ATRNL1: variants seen among roughly 807,000 people sequenced by gnomAD.
The protein encoded by ATRNL1 is attractin like 1, also known as attractin-like protein 1.
In ATRNL1, 95 loss-of-function variants were observed where a neutral mutation model predicts 182.7. That is an observed-to-expected ratio of 0.52 (90% CI 0.44 to 0.62). The LOEUF is 0.62. Ranked by LOEUF, ATRNL1 falls within the 20% of genes least tolerant of loss-of-function variation. The pLI is 0.00. For synonymous variants in ATRNL1, 576 were observed against 568.3 expected, an observed-to-expected ratio of 1.01 and a Z score of -0.19; for missense variants, 1,471 against 1,679.5, an observed-to-expected ratio of 0.88 and a Z score of 2.17.
intron 5 of ATRNL1, among the ~76,000 whole-genome samples, chr10:115,138,855 A>T (rs1845636329): frequency 6.6e-6 from 1 of 152,178 alleles, no homozygotes; most frequent in Admixed American, 6.5e-5. Context: ...TTTCTTTTCT[A>T]TGGCATTGTC....
At chr10:115,673,597 T>C (rs1945768331) in intron 26 of ATRNL1, among the ~76,000 whole-genome samples, 1 of 152,122 alleles carries the variant, frequency 6.6e-6, no homozygotes, top group African/African-American at 2.4e-5. Context: ...TCAAGAACTA[T>C]ATGCAACCAA....
chr10:115,467,734 A>G (rs1554971144), intron 23 of ATRNL1, among the ~76,000 whole-genome samples: 1 of 150,730 alleles, frequency 6.6e-6, no homozygotes, highest in Non-Finnish European at 1.5e-5. Context: ...GGAGTTAAAA[A>G]ACTGATACAT....
chr10:115,280,594 C>A (rs1309985227), intron 13 of ATRNL1, among the ~76,000 whole-genome samples: 1 of 152,058 alleles, frequency 6.6e-6, no homozygotes, highest in East Asian at 1.9e-4. Flanking sequence ...AAATGTGGAT[C>A]CAAGGCTCAG....
At chr10:115,790,646 A>C (rs1228163824) in intron 27 of ATRNL1, among the ~76,000 whole-genome samples, 1 of 152,098 alleles carries the variant, frequency 6.6e-6, no homozygotes, top group East Asian at 1.9e-4. Flanking sequence ...AAAAAAAAAA[A>C]AAAACTTTTA....
chr10:115,150,568 C>A (rs941000695), intron 5 of ATRNL1, among the ~76,000 whole-genome samples: 22 of 151,622 alleles, frequency 1.5e-4, no homozygotes, highest in African/African-American at 4.8e-4. Context: ...TTTTTATTTT[C>A]TCTTTAATTT....
intron 26 of ATRNL1, among the ~76,000 whole-genome samples, chr10:115,725,600 G>A (rs1947572265): frequency 1.3e-5 from 2 of 152,100 alleles, no homozygotes; most frequent in South Asian, 2.1e-4. Flanking sequence ...AACACAAAGT[G>A]GAATTTACAA....
At chr10:115,218,291 C>T (rs1174856826) in intron 9 of ATRNL1, among the ~76,000 whole-genome samples, 4 of 152,014 alleles carry the variant, frequency 2.6e-5, no homozygotes, top group South Asian at 2.1e-4. Context: ...CTCTGCTCCA[C>T]GAAGACAGGA....
intron 21 of ATRNL1, among the ~76,000 whole-genome samples, chr10:115,437,991 C>T (rs1347116533): frequency 2.6e-5 from 4 of 151,862 alleles, no homozygotes; most frequent in African/African-American, 9.7e-5. Flanking sequence ...AGATTACAAC[C>T]AAGATCTCCT....
At chr10:115,299,887 A>T in intron 15 of ATRNL1, 147 bp from the exon 16 acceptor site, 1 of 565,120 alleles carries the variant, frequency 1.8e-6, no homozygotes, top group Non-Finnish European at 3.1e-6. Context: ...TATAATTGTT[A>T]ATTATTCTTA....
At chr10:115,331,187 G>C (rs956504301) in intron 18 of ATRNL1, among the ~76,000 whole-genome samples, 5 of 151,978 alleles carry the variant, frequency 3.3e-5, no homozygotes, top group African/African-American at 1.2e-4. Context: ...AGCCTCCCAA[G>C]TAGCTGGGAC....
At chr10:115,871,294 C>T (rs1951572764) in intron 28 of ATRNL1, among the ~76,000 whole-genome samples, 1 of 151,352 alleles carries the variant, frequency 6.6e-6, no homozygotes, top group African/African-American at 2.4e-5. Context: ...AATCTTACAA[C>T]CCAGATATAA....
intron 21 of ATRNL1, among the ~76,000 whole-genome samples, chr10:115,437,617 C>G (rs1846463903): frequency 6.6e-6 from 1 of 151,912 alleles, no homozygotes; most frequent in African/African-American, 2.4e-5. Context: ...TGTTTTTGGA[C>G]TCTCGATATT....
chr10:115,511,463 G>A lies in ATRNL1; in HGVS notation c.3655-7800G>A, dbSNP rs115212831. Among the ~76,000 whole-genome samples the A allele has an allele frequency of 5.6e-3, 846 of 151,852 alleles. 8 individuals carry two copies. The highest frequency in any genetic ancestry group is 0.019 in the African/African-American group (779 of 41,474). ...AAGACCCTCTCTTTCCCTTCAGTTC[G>A]TTAGATGAACTTGATAATTTTAGCA... On this transcript the variant is annotated intron_variant, in intron 24 of 28. Coordinates refer to ENST00000355044, the MANE Select transcript of ATRNL1 (RefSeq NM_207303.4).
At chr10:115,890,477 A>G (rs1952053228) in intron 28 of ATRNL1, among the ~76,000 whole-genome samples, 1 of 152,098 alleles carries the variant, frequency 6.6e-6, no homozygotes, top group African/African-American at 2.4e-5. Flanking sequence ...CCTTTATGTG[A>G]CTCACAGTCC....
In ATRNL1 at chr10:115,093,831, C is replaced by T. The variant is rs1423923267; in HGVS notation, c.81C>T (p.Gly27=). Residue 27 remains glycine (G), a synonymous_variant, in exon 1 of 29, where the codon GGC becomes GGT. Coordinates refer to ENST00000355044, the MANE Select transcript of ATRNL1 (RefSeq NM_207303.4). This position sits in a 1 kb window ranked among gnomAD's most constrained non-coding sequence, Gnocchi z 6.1. ...TGTGGAGGGCTCGGCCGGCGGGCGGCGGCGGCGGGGGCGCCTCCTCCTGGC... is the reference window on the plus strand; with the variant it reads ...TGTGGAGGGCTCGGCCGGCGGGCGGTGGCGGCGGGGGCGCCTCCTCCTGGC... The part of the protein sequence containing the change: ...PGVWRARPAG[G]GGGGASSWLL... 6.6e-7 allele frequency: 1 copy of T among 1,509,002 alleles called. No homozygotes were observed. The allele number at this position is 1,509,002 out of a possible 1,614,324, so 93.5% of individuals were successfully genotyped here. A position where few individuals can be genotyped will look rare whatever the true frequency, so the allele number is the denominator to read the frequency against.
At chr10:115,487,224 C>CT (rs1459239360) in intron 24 of ATRNL1, among the ~76,000 whole-genome samples, 1 of 152,056 alleles carries the variant, frequency 6.6e-6, no homozygotes, top group African/African-American at 2.4e-5. Flanking sequence ...TATGCAGGCT[C>CT]TTTTTTAGTC....
intron 27 of ATRNL1, among the ~76,000 whole-genome samples, chr10:115,792,985 T>C (rs932816865): frequency 2.6e-5 from 4 of 152,176 alleles, no homozygotes; most frequent in Admixed American, 2.0e-4. Flanking sequence ...GAATAAGTAG[T>C]ATTTGGAAGA....
intron 20 of ATRNL1, among the ~76,000 whole-genome samples, chr10:115,416,029 G>C (rs1009268157): frequency 6.6e-6 from 1 of 151,830 alleles, no homozygotes; most frequent in South Asian, 2.1e-4. Context: ...AATTATTCTT[G>C]TATGTTTACT....
At chr10:115,556,313 A>G (rs1367979967) in intron 26 of ATRNL1, among the ~76,000 whole-genome samples, 1 of 152,156 alleles carries the variant, frequency 6.6e-6, no homozygotes. Flanking sequence ...TATGTCATTC[A>G]TATTTATACA....
Sources: allele counts gnomAD v4.1 joint callset (sites outside exome capture counted in the v4.1 genomes callset), GRCh38; gene constraint gnomAD v4.1.1; non-coding constraint Gnocchi (gnomAD v3.1); transcripts MANE v1.5; gene names NCBI Gene and HGNC (gene_info 2026-07-23, HGNC 2026-07-21).